Variants in VAT1L observed in about 807,000 individuals in gnomAD.
VAT1L encodes the protein vesicle amine transport 1 like.
Under a neutral mutation model 44.1 loss-of-function variants are expected in VAT1L, and 34 were observed. The observed-to-expected ratio is 0.77, with a 90% CI of 0.59 to 1.03. The LOEUF is 1.03. Among genes scored for constraint, VAT1L ranks in the 50% least tolerant of loss-of-function variants. VAT1L has a pLI of 0.00. For missense variants in VAT1L, 615 were observed against 538.8 expected, an observed-to-expected ratio of 1.14 and a Z score of -1.40; for synonymous variants, 253 against 202.2, an observed-to-expected ratio of 1.25 and a Z score of -2.13.
At chr16:77,969,459 C>T (rs141195897) in intron 7 of VAT1L, among the ~76,000 whole-genome samples, 3 of 151,892 alleles carry the variant, frequency 2.0e-5, no homozygotes, top group African/African-American at 4.8e-5. Context: ...GCATTTGGAC[C>T]GAGGGTATCT....
chr16:77,826,890 T>C (rs2016529232), intron 3 of VAT1L, among the ~76,000 whole-genome samples: 1 of 152,214 alleles, frequency 6.6e-6, no homozygotes, highest in Non-Finnish European at 1.5e-5. Context: ...TCTTAGGATT[T>C]GGTGTATCTC....
At chr16:77,849,613 G>C (rs1171542439) in intron 3 of VAT1L, among the ~76,000 whole-genome samples, 1 of 152,230 alleles carries the variant, frequency 6.6e-6, no homozygotes, top group East Asian at 1.9e-4. Context: ...GCGGGACATA[G>C]AGCTTTGAAA....
At chr16:77,821,107 A>T (rs1251525612) in intron 2 of VAT1L, among the ~76,000 whole-genome samples, 1 of 152,132 alleles carries the variant, frequency 6.6e-6, no homozygotes, top group East Asian at 1.9e-4. Flanking sequence ...CCATCAACCC[A>T]TCACTCACTA....
At chr16:77,904,966 G>A (rs919069981) in intron 7 of VAT1L, among the ~76,000 whole-genome samples, 2 of 151,896 alleles carry the variant, frequency 1.3e-5, no homozygotes, top group East Asian at 1.9e-4. Flanking sequence ...AATACCTCAA[G>A]GAAAAAAACA....
At chr16:77,920,451 C>A (rs1269870808) in intron 7 of VAT1L, among the ~76,000 whole-genome samples, 2 of 152,146 alleles carry the variant, frequency 1.3e-5, no homozygotes. Context: ...TTAGTAGGAA[C>A]AAAACAACTC....
intron 7 of VAT1L, among the ~76,000 whole-genome samples, chr16:77,897,695 G>A (rs1442741445): frequency 3.9e-5 from 6 of 152,070 alleles, no homozygotes; most frequent in African/African-American, 9.7e-5. Context: ...GGCTGGTCTC[G>A]AACTCCTGAG....
intron 7 of VAT1L, among the ~76,000 whole-genome samples, chr16:77,964,307 A>G (rs577097928): frequency 1.8e-4 from 27 of 152,184 alleles, no homozygotes; most frequent in Non-Finnish European, 3.4e-4. Context: ...TACAGTTCTG[A>G]AAGCCCAAAA....
chr16:77,794,582 T>C (rs1251155380), intron 1 of VAT1L, among the ~76,000 whole-genome samples: 2 of 152,224 alleles, frequency 1.3e-5, no homozygotes, highest in African/African-American at 4.8e-5. Flanking sequence ...GTAAGGTTGA[T>C]GCAATGAAAG....
intron 7 of VAT1L, among the ~76,000 whole-genome samples, chr16:77,941,389 G>T (rs17718665): frequency 6.6e-6 from 1 of 152,164 alleles, no homozygotes; most frequent in East Asian, 1.9e-4. Context: ...ATTTGTATCA[G>T]CAGTTGCTCA....
chr16:77,829,722 T>G (rs966298775), intron 3 of VAT1L, among the ~76,000 whole-genome samples: 1 of 152,190 alleles, frequency 6.6e-6, no homozygotes, highest in Non-Finnish European at 1.5e-5. Flanking sequence ...CCAGTCCCGT[T>G]TAATGAGCCT....
chr16:77,898,106 T>C (rs931513856), intron 7 of VAT1L, among the ~76,000 whole-genome samples: 15 of 152,146 alleles, frequency 9.9e-5, no homozygotes, highest in African/African-American at 2.7e-4. Flanking sequence ...TATAAGCACA[T>C]CACCTCTATC....
chr16:77,827,857 C>G (rs2016540796), intron 3 of VAT1L, among the ~76,000 whole-genome samples: 1 of 152,126 alleles, frequency 6.6e-6, no homozygotes, highest in Non-Finnish European at 1.5e-5. Flanking sequence ...GTAAATGCAA[C>G]TGTTTCCATG....
intron 4 of VAT1L, among the ~76,000 whole-genome samples, chr16:77,868,655 C>A (rs2017000081): frequency 6.6e-6 from 1 of 152,182 alleles, no homozygotes; most frequent in Non-Finnish European, 1.5e-5. Flanking sequence ...CTGACTCTCA[C>A]AAAGGAAGTG....
At chr16:77,876,516 C>G in intron 5 of VAT1L, 43 bp downstream of exon 5, 1 of 1,559,852 alleles carries the variant, frequency 6.4e-7, no homozygotes, top group Non-Finnish European at 8.8e-7. Context: ...GCAATAGGTA[C>G]CTCTACATAT....
intron 1 of VAT1L, among the ~76,000 whole-genome samples, chr16:77,794,962 C>A (rs572287658): frequency 5.1e-4 from 77 of 152,246 alleles, no homozygotes; most frequent in Middle Eastern, 3.4e-3. Context: ...ATGAAATGGG[C>A]TTCTTGCTTT....
intron 3 of VAT1L, among the ~76,000 whole-genome samples, chr16:77,841,222 A>C (rs958240326): frequency 6.6e-6 from 1 of 152,186 alleles, no homozygotes; most frequent in African/African-American, 2.4e-5. Context: ...CTGAGACTAC[A>C]GGCTCATGCC....
At chr16:77,797,769 C>G (rs1035155785) in intron 1 of VAT1L, among the ~76,000 whole-genome samples, 4 of 152,084 alleles carry the variant, frequency 2.6e-5, no homozygotes, top group Admixed American at 2.6e-4. Context: ...TAAGAGAGAG[C>G]CTTTTGGACA....
At chr16:77,922,893 G>A (rs1256830967) in intron 7 of VAT1L, among the ~76,000 whole-genome samples, 31 of 152,264 alleles carry the variant, frequency 2.0e-4, no homozygotes, top group Non-Finnish European at 7.4e-5. Flanking sequence ...CACCTGAGTT[G>A]GAATTCCTGG....
At chr16:77,926,232 A>C (rs375593187) in intron 7 of VAT1L, among the ~76,000 whole-genome samples, 1 of 146,498 alleles carries the variant, frequency 6.8e-6, no homozygotes, top group Non-Finnish European at 1.5e-5. Context: ...CAGTCTGGGC[A>C]ACAGAGTGAG....
Sources: gnomAD v4.1 joint callset for allele counts (sites outside exome capture counted in the v4.1 genomes callset) on GRCh38, gnomAD v4.1.1 for gene constraint, MANE v1.5 for transcripts, NCBI Gene and HGNC (gene_info 2026-07-23, HGNC 2026-07-21) for gene names.